GLI3: variants seen among roughly 807,000 people sequenced by gnomAD.
GLI3 encodes the protein GLI family zinc finger 3, also known as transcription activator GLI3.
Under a neutral mutation model 100.8 loss-of-function variants are expected in GLI3, and 20 were observed. The ratio of observed to expected loss-of-function variants is 0.20; its 90% confidence interval spans 0.14 to 0.29. The LOEUF (loss-of-function observed/expected upper bound fraction) is 0.29, where lower values mean the gene tolerates loss of function less well. GLI3 is among the 10% of genes least tolerant of loss of function. The pLI is 1.00. For synonymous variants in GLI3, 938 were observed against 860.5 expected (o/e 1.09, Z -1.58); for missense variants, 2,040 against 2,128.5 (o/e 0.96, Z 0.82).
intron 10 of GLI3, among the ~76,000 whole-genome samples, chr7:42,019,842 T>C (rs1788886204): frequency 1.3e-5 from 2 of 152,068 alleles, no homozygotes; most frequent in South Asian, 4.2e-4. Flanking sequence ...TGCTTTTTTG[T>C]TTCCTTCAGT....
At chr7:42,023,126 A>T (rs1788989738) in intron 10 of GLI3, among the ~76,000 whole-genome samples, 1 of 152,190 alleles carries the variant, frequency 6.6e-6, no homozygotes, top group Non-Finnish European at 1.5e-5. Flanking sequence ...TTGGAAGGGG[A>T]ATCAAACTTG....
intron 3 of GLI3, among the ~76,000 whole-genome samples, chr7:42,122,415 T>C (rs1428216399): frequency 6.6e-6 from 1 of 152,120 alleles, no homozygotes; most frequent in Admixed American, 6.6e-5. Context: ...GACTGTTCTG[T>C]GCCTCAGGTA....
chr7:41,966,195 G>A lies in GLI3; in HGVS notation c.2878C>T (p.Leu960Phe). The change falls in exon 15 of 15, where the codon CTC (leucine) becomes TTC (phenylalanine). Residue 960 changes from leucine to phenylalanine, a missense_variant. Transcript: ENST00000395925. The surrounding 1 kb of genome is among the most constrained non-coding windows in gnomAD (Gnocchi z 5.8). ...ACGCCAGGCTCGAGGGCATCCCCGA[G>A]CAGCGCCAGGCGCGTCTTCAGGCTC... is the stretch of plus-strand genomic sequence containing the variant. ...RMSLKTRLAL[L>F]GDALEPGVAL... is the part of the protein sequence containing the mutation. 1.2e-6 allele frequency: 2 copies of A among 1,605,740 alleles called. No individual in the cohort carries two copies. The highest frequency in any genetic ancestry group is 1.7e-6 in the Non-Finnish European group (2 of 1,178,176).
At chr7:41,995,473 T>C (rs1239076979) in intron 10 of GLI3, among the ~76,000 whole-genome samples, 1 of 152,042 alleles carries the variant, frequency 6.6e-6, no homozygotes, top group Non-Finnish European at 1.5e-5. Context: ...ACAGGAGGGT[T>C]TTCCTGATGT....
intron 4 of GLI3, among the ~76,000 whole-genome samples, chr7:42,073,588 G>A (rs1467311696): frequency 6.6e-6 from 1 of 152,126 alleles, no homozygotes; most frequent in Non-Finnish European, 1.5e-5. Context: ...AAAAAGAGGA[G>A]CAATTTATAA....
intron 10 of GLI3, among the ~76,000 whole-genome samples, chr7:42,008,031 T>C (rs1024945796): frequency 3.3e-5 from 5 of 152,228 alleles, no homozygotes; most frequent in South Asian, 2.1e-4. Flanking sequence ...ACTTTAAACA[T>C]AGGCATGTAA....
chr7:42,107,900 G>A (rs1270540542), intron 3 of GLI3, among the ~76,000 whole-genome samples: 1 of 152,148 alleles, frequency 6.6e-6, no homozygotes, highest in African/African-American at 2.4e-5. Context: ...GTGGCGTGCT[G>A]GATTTTTTAA....
At chr7:42,238,028 C>CCTCCTT (rs1395269313), upstream of GLI3, among the ~76,000 whole-genome samples, 2 of 143,766 alleles carry the variant, frequency 1.4e-5, no homozygotes, top group African/African-American at 5.0e-5. Context: ...TCCTCCTTCT[C>CCTCCTT]CTCCTCCTCC....
intron 7 of GLI3, among the ~76,000 whole-genome samples, chr7:42,036,265 C>G (rs1358635421): frequency 6.6e-6 from 1 of 152,156 alleles, no homozygotes; most frequent in African/African-American, 2.4e-5. Flanking sequence ...ATACAGATTG[C>G]AACTTTCAGA....
intron 3 of GLI3, among the ~76,000 whole-genome samples, chr7:42,147,175 A>G (rs1365932116): frequency 6.6e-6 from 1 of 152,126 alleles, no homozygotes; most frequent in Non-Finnish European, 1.5e-5. Context: ...CTTTGATCTG[A>G]GGAGTGAGCA....
intron 1 of GLI3, among the ~76,000 whole-genome samples, chr7:42,258,711 A>G (rs543047379): frequency 6.6e-6 from 1 of 152,296 alleles, no homozygotes; most frequent in East Asian, 1.9e-4. Context: ...GTAACCTCAC[A>G]TGACAGAATG....
At chr7:42,080,070 T>C (rs1327347947) in intron 3 of GLI3, among the ~76,000 whole-genome samples, 1 of 152,196 alleles carries the variant, frequency 6.6e-6, no homozygotes, top group Non-Finnish European at 1.5e-5. Flanking sequence ...ATCAAGGACA[T>C]TTAAAAGACA....
At position 42,222,949 on chromosome 7, in the gene GLI3, C is replaced by T. The variant is rs114292995; in HGVS notation, c.124+181G>A. ...TGGAAGTCAACGTGTAGGTTGAGTG[C>T]CAAAATAGAGATTACTACATTCCAT... On this transcript the variant is annotated intron_variant, in intron 2 of 14. Coordinates refer to ENST00000395925, the MANE Select transcript of GLI3 (RefSeq NM_000168.6). The T allele has an allele frequency of 1.3e-5, 9 of 687,236 alleles. No homozygotes were observed. The African/African-American group carries it at 1.6e-4, about 12-fold the overall frequency. 42.6% of individuals were successfully genotyped at this position (687,236 alleles called of 1,614,324 possible).
chr7:42,014,614 T>G (rs1788704640), intron 10 of GLI3, among the ~76,000 whole-genome samples: 1 of 152,318 alleles, frequency 6.6e-6, no homozygotes, highest in Admixed American at 6.5e-5. Flanking sequence ...ATATCCAATC[T>G]CCATGAGATG....
At chr7:41,996,024 T>C (rs11772482) in intron 10 of GLI3, among the ~76,000 whole-genome samples, 79,070 of 152,052 alleles carry the variant, frequency 0.52, 22,515 homozygotes, top group African/African-American at 0.77. Context: ...TCAGTGTAAA[T>C]GGTAAATTTG....
chr7:41,989,498 A>G (rs946987451), intron 10 of GLI3, among the ~76,000 whole-genome samples: 3 of 152,192 alleles, frequency 2.0e-5, no homozygotes, highest in Non-Finnish European at 2.9e-5. Context: ...GAAGGATCAA[A>G]TGAATTTGTC....
At chr7:42,011,793 C>A (rs1000658672) in intron 10 of GLI3, among the ~76,000 whole-genome samples, 3 of 152,168 alleles carry the variant, frequency 2.0e-5, no homozygotes, top group Non-Finnish European at 2.9e-5. Context: ...TTCATGCATA[C>A]AGAGCTGCCT....
intron 3 of GLI3, among the ~76,000 whole-genome samples, chr7:42,092,610 C>T (rs886999331): frequency 2.0e-5 from 3 of 152,206 alleles, no homozygotes; most frequent in Non-Finnish European, 4.4e-5. Flanking sequence ...AGCCATCTGT[C>T]GCACAGCAGG....
Position 42,026,407 on chromosome 7 carries a change from G to C in GLI3, c.1034C>G (p.Ala345Gly), listed in dbSNP as rs755606864. Residue 345 changes from alanine (A) to glycine (G), a missense_variant, in exon 8 of 15, where the codon GCC becomes GGC. Ala to Gly is a moderately conservative substitution (Grantham distance 60). Coordinates refer to ENST00000395925, the MANE Select transcript of GLI3 (RefSeq NM_000168.6). ...GHLSASAISP[A>G]LSFTYSSAPV... Reference sequence around the variant, plus strand: ...CGCGGAAGAGTAGGTGAAGCTCAAGGCAGGGCTGCACGGGGGAGATAAAAA... The same window carrying C: ...CGCGGAAGAGTAGGTGAAGCTCAAGCCAGGGCTGCACGGGGGAGATAAAAA... 1 of 1,613,678 alleles carries C rather than the reference G, an allele frequency of 6.2e-7. No individual in the cohort carries two copies. The highest frequency in any genetic ancestry group is 1.7e-5 in the Admixed American group (1 of 60,022).
Sources: gnomAD v4.1 joint callset for allele counts (sites outside exome capture counted in the v4.1 genomes callset) on GRCh38, gnomAD v4.1.1 for gene constraint, Gnocchi (gnomAD v3.1) non-coding constraint, MANE v1.5 for transcripts, NCBI Gene and HGNC (gene_info 2026-07-23, HGNC 2026-07-21) for gene names.